Variants in MAGED1 observed in about 807,000 individuals in gnomAD.
MAGED1 encodes MAGE family member D1.
A neutral mutation model predicts 54.1 loss-of-function variants in MAGED1; 3 were observed. The ratio of observed to expected loss-of-function variants is 0.06; its 90% CI spans 0.03 to 0.14. The LOEUF (loss-of-function observed/expected upper bound fraction) is 0.14, where lower values mean the gene tolerates loss of function less well. Among genes scored for constraint, MAGED1 ranks in the 10% least tolerant of loss-of-function variants. The probability of loss-of-function intolerance (pLI) is 1.00; values close to 1 mark genes in which losing one functional copy is unlikely to be tolerated. For synonymous variants in MAGED1, 217 were observed against 227.3 expected (o/e 0.95, Z 0.41); for missense variants, 485 against 623.4 (o/e 0.78, Z 2.36).
intron 1 of MAGED1, among the ~76,000 whole-genome samples, chrX:51,888,208 GA>G (rs1346589313): frequency 9.0e-6 from 1 of 111,587 alleles, no homozygotes; most frequent in Non-Finnish European, 1.9e-5. Context: ...GATTCTCAGT[GA>G]TGTGCTTATT....
intron 1 of MAGED1, among the ~76,000 whole-genome samples, chrX:51,877,982 G>A (rs1173438393): frequency 1.8e-5 from 2 of 111,356 alleles, no homozygotes; most frequent in African/African-American, 6.5e-5. Context: ...TGGTTTATGA[G>A]GTTTATATTG....
rs782732102 is a variant in MAGED1, at chrX:51,896,400, A to G, written c.754-9A>G. The G allele has an allele frequency of 7.5e-6, 9 of 1,196,016 alleles. No individual in the cohort carries two copies. The Admixed American group carries it at 2.0e-4, about 27-fold the overall frequency. ...ACTGGTGATTCTGAACTTCTCTCTG[A>G]TGATGCAGATTAATAACTTGAATGT... On this transcript the variant is annotated splice_polypyrimidine_tract_variant and intron_variant, in intron 3 of 12. Transcript: ENST00000326587.
intron 1 of MAGED1, among the ~76,000 whole-genome samples, chrX:51,877,198 C>T: frequency 9.1e-6 from 1 of 110,448 alleles, no homozygotes; most frequent in East Asian, 2.9e-4. Flanking sequence ...AAAGCATTTG[C>T]AACAAGTGTG....
chrX:51,900,405 G>T (rs1204675127), intron 11 of MAGED1, 109 bp downstream of exon 11: 7 of 533,789 alleles, frequency 1.3e-5, no homozygotes, highest in Non-Finnish European at 2.1e-5. Context: ...GGTAGGTGCC[G>T]CATTGCTGGT....
intron 1 of MAGED1, among the ~76,000 whole-genome samples, chrX:51,804,954 T>G (rs1355377414): frequency 1.8e-5 from 2 of 111,974 alleles, no homozygotes; most frequent in Non-Finnish European, 3.8e-5. Context: ...CCCCTAGTGG[T>G]CACTTTTCTG....
chrX:51,846,320 A>G (rs1926686817), intron 1 of MAGED1, among the ~76,000 whole-genome samples: 1 of 111,568 alleles, frequency 9.0e-6, no homozygotes, highest in South Asian at 3.8e-4. Context: ...GGGAAGATAC[A>G]AGGTTGGAAG....
intron 1 of MAGED1, among the ~76,000 whole-genome samples, chrX:51,871,421 C>A (rs375166579): frequency 1.8e-5 from 2 of 109,786 alleles, no homozygotes; most frequent in Admixed American, 1.9e-4. Context: ...ATCCCTCCCC[C>A]CTTCCCCCAC....
At chrX:51,886,701 G>A (rs1928246057) in intron 1 of MAGED1, among the ~76,000 whole-genome samples, 1 of 110,274 alleles carries the variant, frequency 9.1e-6, no homozygotes, top group African/African-American at 3.3e-5. Flanking sequence ...AGGGTACAAG[G>A]TCAACTTACC....
chrX:51,829,317 ATGTGTGTG>A (rs199532389), intron 1 of MAGED1, among the ~76,000 whole-genome samples: 1 of 107,727 alleles, frequency 9.3e-6, no homozygotes, highest in Non-Finnish European at 1.9e-5. Context: ...GTGTTTGTGT[ATGTGTGTG>A]TGTGTGTGTG....
chrX:51,838,725 A>G (rs1926346944), intron 1 of MAGED1, among the ~76,000 whole-genome samples: 1 of 111,879 alleles, frequency 8.9e-6, no homozygotes, highest in Non-Finnish European at 1.9e-5. Flanking sequence ...CTTTATGAAA[A>G]TAGGAATTTC....
chrX:51,880,529 A>T (rs1569555951), intron 1 of MAGED1, among the ~76,000 whole-genome samples: 3 of 111,884 alleles, frequency 2.7e-5, no homozygotes, highest in East Asian at 2.8e-4. Context: ...TTTCCTGCAT[A>T]CCGGAGTTTG....
chrX:51,895,781 A>G (rs782210018), intron 3 of MAGED1, 21 bp downstream of exon 3: 12 of 1,116,428 alleles, frequency 1.1e-5, no homozygotes, highest in South Asian at 4.1e-5. Context: ...TGCTAACTTC[A>G]TTTTGCTTTG....
Position 51,900,347 on chromosome X carries a change from T to C in MAGED1, c.1959+51T>C, listed in dbSNP as rs370195154. ...GATAGGTCAAGGGATGAAGTATAGC[T>C]GGCTGGGAAAGGCCCAGGGTAGGAA... On this transcript the variant is annotated intron_variant, in intron 11 of 12. Transcript: ENST00000326587. The C allele has an allele frequency of 7.2e-5, 75 of 1,034,955 alleles. No individual in the cohort carries two copies. The African/African-American group carries it at 1.2e-3, about 16-fold the overall frequency. 85.3% of individuals were successfully genotyped at this position (1,034,955 alleles called of 1,213,427 possible).
intron 1 of MAGED1, among the ~76,000 whole-genome samples, chrX:51,838,712 T>C (rs782325260): frequency 1.8e-5 from 2 of 111,793 alleles, no homozygotes; most frequent in Non-Finnish European, 3.8e-5. Flanking sequence ...CTAAAAATCA[T>C]GTCTTTATGA....
Position 51,900,720 on chromosome X carries a change from C to G in MAGED1, c.1959+424C>G, listed in dbSNP as rs190187986. ...TCTTGGCTCACTGCAACCTCTGCCTCCCAGGTTAAAGCGATTCTTGTGCCT... is the reference window on the plus strand; with the variant it reads ...TCTTGGCTCACTGCAACCTCTGCCTGCCAGGTTAAAGCGATTCTTGTGCCT... On this transcript the variant is annotated intron_variant, in intron 11 of 12. Transcript: ENST00000326587. Among the ~76,000 whole-genome samples, 434 of 111,586 alleles carry G rather than the reference C, an allele frequency of 3.9e-3. 1 individual carries two copies. Among genetic ancestry groups the G allele is most frequent in the African/African-American group, 0.013 (412 of 30,662 alleles).
intron 1 of MAGED1, among the ~76,000 whole-genome samples, chrX:51,850,725 C>T (rs782396514): frequency 3.6e-5 from 4 of 110,179 alleles, no homozygotes; most frequent in Non-Finnish European, 7.6e-5. Flanking sequence ...ATGATGAAAC[C>T]CTGTCTCTAC....
chrX:51,809,961 C>T (rs782639516), intron 1 of MAGED1, among the ~76,000 whole-genome samples: 69 of 111,337 alleles, frequency 6.2e-4, no homozygotes, highest in African/African-American at 1.9e-3. Flanking sequence ...ATGATGCTGC[C>T]GCTGCTGCTT....
intron 1 of MAGED1, among the ~76,000 whole-genome samples, chrX:51,869,128 C>A (rs1480223770): frequency 9.0e-6 from 1 of 110,899 alleles, no homozygotes; most frequent in African/African-American, 3.3e-5. Flanking sequence ...GAGGATGATA[C>A]AAGTTTGATA....
At chrX:51,840,243 A>T (rs1052320046) in intron 1 of MAGED1, among the ~76,000 whole-genome samples, 2 of 111,134 alleles carry the variant, frequency 1.8e-5, no homozygotes, top group Non-Finnish European at 3.8e-5. Flanking sequence ...TTAACATGTA[A>T]TGAGTTTTGT....
Sources: gnomAD v4.1 joint callset for allele counts (sites outside exome capture counted in the v4.1 genomes callset) on GRCh38, gnomAD v4.1.1 for gene constraint, MANE v1.5 for transcripts, NCBI Gene and HGNC (gene_info 2026-07-23, HGNC 2026-07-21) for gene names.